MICALL2: variants seen among roughly 807,000 people sequenced by gnomAD.
MICALL2 encodes MICAL-like protein 2.
Under a neutral mutation model 91.1 loss-of-function variants are expected in MICALL2, and 111 were observed. That is an observed-to-expected ratio of 1.22 (90% CI 1.04 to 1.43). The LOEUF is 1.43. Among genes scored for constraint, MICALL2 ranks in the 40% most tolerant of loss-of-function variants. The probability of loss-of-function intolerance (pLI) is 0.00; values close to 1 mark genes in which losing one functional copy is unlikely to be tolerated. For missense variants in MICALL2, 1,556 were observed against 1,236.0 expected, an observed-to-expected ratio of 1.26 and a Z score of -3.88; for synonymous variants, 694 against 525.3, an observed-to-expected ratio of 1.32 and a Z score of -4.39.
At chr7:1,437,358 G>A (rs1405250658) in intron 14 of MICALL2, 177 bp downstream of exon 14, 2 of 610,418 alleles carry the variant, frequency 3.3e-6, no homozygotes, top group South Asian at 2.1e-5. Context: ...AAGTACCTTG[G>A]CTGAGGACAC....
intron 7 of MICALL2, 55 bp from the exon 8 acceptor site, chr7:1,440,739 T>A: frequency 1.4e-6 from 2 of 1,467,050 alleles, no homozygotes; most frequent in African/African-American, 2.8e-5. Context: ...GAATGGGGTG[T>A]CTGCAAGGGT....
rs941545828 is a variant in MICALL2, at chr7:1,459,467, G to T, written c.-141C>A. On this transcript the variant is annotated 5_prime_UTR_variant, in exon 1 of 17. Coordinates refer to ENST00000297508, the MANE Select transcript of MICALL2 (RefSeq NM_182924.4). Reference sequence around the variant, plus strand: ...ACGGCGCCCAGCCCCAGCTGAGCCGGACTGAGGGCGACGAGTGCCGGGTCC... The same window carrying T: ...ACGGCGCCCAGCCCCAGCTGAGCCGTACTGAGGGCGACGAGTGCCGGGTCC... 2.8e-6 allele frequency: 2 copies of T among 718,092 alleles called. No individual in the cohort carries two copies. Among genetic ancestry groups the T allele is most frequent in the South Asian group, 3.3e-5 (1 of 30,598 alleles). 44.5% of individuals were successfully genotyped at this position (718,092 alleles called of 1,614,324 possible). A position where few individuals can be genotyped will look rare whatever the true frequency, so the allele number is the denominator to read the frequency against.
Position 1,459,229 on chromosome 7 carries a change from C to T in MICALL2, c.98G>A (p.Gly33Asp). Reference sequence around the variant, plus strand: ...GTGCAGGATGGCGCAGAAAGCCAGGCCGTCGCGGAACGACGTGGTCATGTT... The same window carrying T: ...GTGCAGGATGGCGCAGAAAGCCAGGTCGTCGCGGAACGACGTGGTCATGTT... Reference protein sequence around the residue: ...ICNMTTSFRDGLAFCAILHRH... With the variant: ...ICNMTTSFRDDLAFCAILHRH... Residue 33 changes from glycine (G) to aspartate (D), a missense_variant, in exon 1 of 17, where the codon GGC becomes GAC. Gly to Asp is a moderately conservative substitution (Grantham distance 94). Transcript: ENST00000297508. The T allele has an allele frequency of 6.2e-7, 1 of 1,610,970 alleles. No individual in the cohort carries two copies. The highest frequency in any genetic ancestry group is 2.2e-5 in the East Asian group (1 of 44,724).
In MICALL2 at chr7:1,438,614, C is replaced by G. The variant is rs980292690; in HGVS notation, c.2122+226G>C. 48 of 1,420,350 alleles carry G rather than the reference C, an allele frequency of 3.4e-5. No homozygotes were observed. In the South Asian group the frequency reaches 6.6e-4, roughly 19 times the overall value. The allele number at this position is 1,420,350 out of a possible 1,614,324, so 88.0% of individuals were successfully genotyped here. A position where few individuals can be genotyped will look rare whatever the true frequency, so the allele number is the denominator to read the frequency against. ...CCCCAGTCCCTCAAGCTGCCAGAAGCAGACATTCCATCATCACCATGAGTC... is the reference window on the plus strand; with the variant it reads ...CCCCAGTCCCTCAAGCTGCCAGAAGGAGACATTCCATCATCACCATGAGTC... On this transcript the variant is annotated intron_variant, in intron 10 of 16. Transcript: ENST00000297508.
chr7:1,438,393 C>A (rs531976304), intron 10 of MICALL2, 40 bp from the exon 11 acceptor site: 2 of 1,572,098 alleles, frequency 1.3e-6, no homozygotes, highest in African/African-American at 2.7e-5. Flanking sequence ...ACCTGGGCCA[C>A]CAGGCCCAAC....
chr7:1,436,324 G>T (rs1779962344), intron 15 of MICALL2, among the ~76,000 whole-genome samples: 1 of 151,888 alleles, frequency 6.6e-6, no homozygotes. Context: ...GGAGGTTGCA[G>T]TGAGCCAAGA....
intron 16 of MICALL2, 116 bp downstream of exon 16, chr7:1,434,985 G>GCCCCCCCCCC: frequency 2.7e-5 from 7 of 255,664 alleles, no homozygotes; most frequent in Non-Finnish European, 4.5e-5. Context: ...CCCGATACCC[G>GCCCCCCCCCC]CCCCCCCCCC....
At position 1,435,137 on chromosome 7, in the gene MICALL2, C is replaced by T; in HGVS notation, c.2602G>A (p.Glu868Lys). 1.9e-6 allele frequency: 3 copies of T among 1,613,598 alleles called. No homozygotes were observed. Among genetic ancestry groups the T allele is most frequent in the Middle Eastern group, 3.3e-4 (2 of 6,060 alleles). Reference protein sequence around the residue: ...LDEDRLREQEEDQMLRDMIEK... With the variant: ...LDEDRLREQEKDQMLRDMIEK... Reference sequence around the variant, plus strand: ...ATCATGTCCCGCAGCATCTGATCCTCCTCTTGTTCCCTGAAACGGGACCAG... The same window carrying T: ...ATCATGTCCCGCAGCATCTGATCCTTCTCTTGTTCCCTGAAACGGGACCAG... Residue 868 changes from glutamate (E) to lysine (K), a missense_variant, in exon 16 of 17, where the codon GAG becomes AAG. Glu to Lys is a moderately conservative substitution (Grantham distance 56). Transcript: ENST00000297508.
chr7:1,446,553 GAGGGGAGACGGGGA>G, intron 5 of MICALL2, 146 bp downstream of exon 5: 1 of 569,894 alleles, frequency 1.8e-6, no homozygotes, highest in Non-Finnish European at 3.2e-6. Context: ...GAGGCGGGAG[GAGGGGAGACGGGGA>G]GGGGGAGGGG....
At chr7:1,439,214 T>C (rs1780139296) in intron 9 of MICALL2, 4 of 536,524 alleles carry the variant, frequency 7.5e-6, no homozygotes, top group Non-Finnish European at 1.3e-5. Context: ...TGCTGGCTGC[T>C]CAAGGTCACA....
chr7:1,436,282 T>C (rs569947594), intron 15 of MICALL2, among the ~76,000 whole-genome samples: 43 of 151,826 alleles, frequency 2.8e-4, no homozygotes, highest in African/African-American at 8.9e-4. Context: ...CTCAGGAGGC[T>C]GAGGCAGGAG....
At chr7:1,444,032 G>C (rs936216538) in intron 6 of MICALL2, among the ~76,000 whole-genome samples, 1 of 150,284 alleles carries the variant, frequency 6.7e-6, no homozygotes, top group Non-Finnish European at 1.5e-5. Flanking sequence ...ACCTGTCCCC[G>C]CGTCCACTCA....
At chr7:1,450,644 G>A in intron 1 of MICALL2, 2 of 224,498 alleles carry the variant, frequency 8.9e-6, no homozygotes, top group Non-Finnish European at 1.8e-5. Context: ...CTCGGAGGGG[G>A]CTCTTCCCAT....
rs957873369 is a variant in MICALL2 at position 1,459,422 on chromosome 7, G to A, written c.-96C>T. ...GGCCGGCGGGACAGACGCTGGGACC[G>A]CTACGGAACCGCCAGACCCACGGCG... is the stretch of plus-strand genomic sequence containing the variant. On this transcript the variant is annotated 5_prime_UTR_variant, in exon 1 of 17. Coordinates refer to ENST00000297508, the MANE Select transcript of MICALL2 (RefSeq NM_182924.4). The A allele has an allele frequency of 2.3e-5, 28 of 1,207,086 alleles. No individual in the cohort carries two copies. Among genetic ancestry groups the A allele is most frequent in the Non-Finnish European group, 2.9e-5 (27 of 927,890 alleles). The allele number at this position is 1,207,086 out of a possible 1,614,324, so 74.8% of individuals were successfully genotyped here.
intron 10 of MICALL2, chr7:1,438,592 C>G: frequency 7.0e-7 from 1 of 1,422,630 alleles, no homozygotes; most frequent in Non-Finnish European, 9.2e-7. Flanking sequence ...CCAGCCACCC[C>G]AGTCCCTCAA....
At position 1,445,264 on chromosome 7, in the gene MICALL2, G is replaced by A. The variant is rs778800219; in HGVS notation, c.806C>T (p.Thr269Ile). 7.4e-6 allele frequency: 12 copies of A among 1,612,324 alleles called. No individual in the cohort carries two copies. The highest frequency in any genetic ancestry group is 2.2e-5 in the East Asian group (1 of 44,888). ...QPGAMGVDSR[T>I]SCSPQKAQEA... ...CTGGGCCTTCTGTGGGGAACAGGAG[G>A]TCCTGGAATCCACACCCATGGCCCC... The change falls in exon 6 of 17, where the codon ACC becomes ATC. Residue 269 changes from threonine to isoleucine, a missense_variant. Coordinates refer to ENST00000297508, the MANE Select transcript of MICALL2 (RefSeq NM_182924.4).
In MICALL2 at chr7:1,434,880, C is replaced by T. The variant is rs777277367; in HGVS notation, c.2639-208G>A. On this transcript the variant is annotated intron_variant, in intron 16 of 16. Coordinates refer to ENST00000297508, the MANE Select transcript of MICALL2 (RefSeq NM_182924.4). ...AGGGCTGGTCCCCACCATGACCACA[C>T]GGTCACCAGCTGCCCCTGGCTCTCT... 233 of 707,682 alleles carry T rather than the reference C, an allele frequency of 3.3e-4. 1 individual carries two copies. The highest frequency in any genetic ancestry group is 2.8e-3 in the Middle Eastern group (7 of 2,504). 43.8% of individuals were successfully genotyped at this position (707,682 alleles called of 1,614,324 possible).
At chr7:1,439,353 ACATT>A (rs1181222021) in intron 9 of MICALL2, 2 of 264,272 alleles carry the variant, frequency 7.6e-6, no homozygotes, top group Non-Finnish European at 1.4e-5. Flanking sequence ...CACATGCATC[ACATT>A]CATGAAACAG....
Position 1,450,220 on chromosome 7 carries a change from C to A in MICALL2, c.192+20G>T. On this transcript the variant is annotated intron_variant, in intron 2 of 16. Coordinates refer to ENST00000297508, the MANE Select transcript of MICALL2 (RefSeq NM_182924.4). ...CAGGCTGGCTAAGCCAGCTGTGAGG[C>A]CGGGGCGGGGGCCACTCACCAGTTT... 1 of 1,610,248 alleles carries A rather than the reference C, an allele frequency of 6.2e-7. No homozygotes were observed. Among genetic ancestry groups the A allele is most frequent in the South Asian group, 1.1e-5 (1 of 90,984 alleles).
Sources: allele counts gnomAD v4.1 joint callset (sites outside exome capture counted in the v4.1 genomes callset), GRCh38; gene constraint gnomAD v4.1.1; transcripts MANE v1.5; gene names NCBI Gene and HGNC (gene_info 2026-07-23, HGNC 2026-07-21).